The following SRD5A2 variants were observed in gnomAD, a reference collection of about 807,000 sequenced individuals.
SRD5A2 encodes 3-oxo-5-alpha-steroid 4-dehydrogenase 2.
In SRD5A2, 30 loss-of-function variants were observed where a neutral mutation model predicts 27.4. The ratio of observed to expected loss-of-function variants is 1.10; its 90% CI spans 0.82 to 1.49. SRD5A2 has a LOEUF of 1.49. Among genes scored for constraint, SRD5A2 ranks in the 40% most tolerant of loss-of-function variants. The pLI is 0.00. For synonymous variants in SRD5A2, 141 were observed against 133.6 expected, an observed-to-expected ratio of 1.06 and a Z score of -0.38; for missense variants, 348 against 323.4, an observed-to-expected ratio of 1.08 and a Z score of -0.58.
chr2:31,542,936 C>G (rs1003386924), intron 1 of SRD5A2, among the ~76,000 whole-genome samples: 2 of 152,012 alleles, frequency 1.3e-5, no homozygotes, highest in Non-Finnish European at 2.9e-5. Flanking sequence ...GAACATAAAC[C>G]TCCAAGAAGC....
At chr2:31,644,980 T>A in the SRD5A2 span, among the ~76,000 whole-genome samples, 3 of 152,312 alleles carry the variant, frequency 2.0e-5, no homozygotes, top group African/African-American at 7.2e-5. Flanking sequence ...GTTAATGTGT[T>A]TAGTTGTTAA....
At chr2:31,634,989 A>C in the SRD5A2 span, among the ~76,000 whole-genome samples, 2 of 152,170 alleles carry the variant, frequency 1.3e-5, no homozygotes, top group Non-Finnish European at 2.9e-5. Context: ...TGCTTCAATA[A>C]AGATGGGAGT....
rs796992471 is a variant in SRD5A2 at position 31,558,872 on chromosome 2, C to A, written c.281+21748G>T. ...GTGAGTACACTCTATGATGTTTGGA[C>A]AATGATGAAATCACCTAACAACACA... On this transcript the variant is annotated intron_variant, in intron 1 of 4. Transcript: ENST00000622030. Among the ~76,000 whole-genome samples the A allele has an allele frequency of 6.6e-5, 10 of 152,238 alleles. 1 individual carries two copies. The highest frequency in any genetic ancestry group is 2.4e-4 in the African/African-American group (10 of 41,526).
the SRD5A2 span, among the ~76,000 whole-genome samples, chr2:31,631,485 T>A: frequency 2.0e-5 from 3 of 151,262 alleles, no homozygotes; most frequent in African/African-American, 7.3e-5. Context: ...TGGGAAACGT[T>A]CCCCCCCAAG....
chr2:31,549,081 A>AATT (rs71405576), intron 1 of SRD5A2, among the ~76,000 whole-genome samples: 37,662 of 131,038 alleles, frequency 0.29, 5,473 homozygotes, highest in East Asian at 0.32. Flanking sequence ...AAGTAGAGGG[A>AATT]ATTATTATTA....
the SRD5A2 span, among the ~76,000 whole-genome samples, chr2:31,628,044 G>A: frequency 2.6e-5 from 4 of 151,988 alleles, no homozygotes; most frequent in Non-Finnish European, 4.4e-5. Flanking sequence ...TTTCTGCCTC[G>A]ATGATTTATC....
the SRD5A2 span, among the ~76,000 whole-genome samples, chr2:31,596,444 C>A: frequency 6.6e-6 from 1 of 151,056 alleles, no homozygotes; most frequent in Non-Finnish European, 1.5e-5. Flanking sequence ...ACAAAGATGC[C>A]CACTTTTACC....
Position 31,526,091 on chromosome 2 carries a change from T to A in SRD5A2, c.*105A>T. The A allele has an allele frequency of 1.6e-6, 1 of 641,104 alleles. No homozygotes were observed. The highest frequency in any genetic ancestry group is 2.5e-6 in the Non-Finnish European group (1 of 392,224). 39.7% of individuals were successfully genotyped at this position (641,104 alleles called of 1,614,324 possible). A position where few individuals can be genotyped will look rare whatever the true frequency, so the allele number is the denominator to read the frequency against. ...GCTGGCAGAACGCCAGGAGACCTACTATTACATATATACGGGACTATTATA... is the reference window on the plus strand; with the variant it reads ...GCTGGCAGAACGCCAGGAGACCTACAATTACATATATACGGGACTATTATA... On this transcript the variant is annotated 3_prime_UTR_variant, in exon 5 of 5. Coordinates refer to ENST00000622030, the MANE Select transcript of SRD5A2 (RefSeq NM_000348.4).
the SRD5A2 span, among the ~76,000 whole-genome samples, chr2:31,599,339 C>T: frequency 1.3e-5 from 2 of 152,100 alleles, no homozygotes; most frequent in South Asian, 4.1e-4. Flanking sequence ...AACATTTTAT[C>T]CAATGGCTAC....
intron 1 of SRD5A2, among the ~76,000 whole-genome samples, chr2:31,569,677 CAAAAA>C (rs11421066): frequency 7.2e-6 from 1 of 138,576 alleles, no homozygotes; most frequent in South Asian, 2.2e-4. Context: ...AAACAAAAAA[CAAAAA>C]AAAAAAAACA....
the SRD5A2 span, among the ~76,000 whole-genome samples, chr2:31,589,495 C>A: frequency 6.6e-6 from 1 of 152,234 alleles, no homozygotes; most frequent in African/African-American, 2.4e-5. Flanking sequence ...CACCTTGGCA[C>A]CTGCCCTGGT....
Position 31,529,174 on chromosome 2 carries a change from C to A in SRD5A2, c.698+133G>T, listed in dbSNP as rs372064301. 4 of 1,292,600 alleles carry A rather than the reference C, an allele frequency of 3.1e-6. No homozygotes were observed. The African/African-American group carries it at 4.5e-5, about 15-fold the overall frequency. The allele number at this position is 1,292,600 out of a possible 1,614,324, so 80.1% of individuals were successfully genotyped here. ...AGCCCAGCAAGTCAGAATATGCTAA[C>A]CCAGATTATAGTATCAACCTTCCCT... On this transcript the variant is annotated intron_variant, in intron 4 of 4. Coordinates refer to ENST00000622030, the MANE Select transcript of SRD5A2 (RefSeq NM_000348.4).
chr2:31,634,587 G>A, the SRD5A2 span, among the ~76,000 whole-genome samples: 1 of 152,002 alleles, frequency 6.6e-6, no homozygotes, highest in East Asian at 1.9e-4. Flanking sequence ...GGATATATAT[G>A]TATACATACA....
the SRD5A2 span, among the ~76,000 whole-genome samples, chr2:31,589,000 G>A: frequency 1.2e-4 from 19 of 152,104 alleles, no homozygotes; most frequent in Non-Finnish European, 2.1e-4. Context: ...TTTGAAAGAA[G>A]CAGTTTTACT....
chr2:31,533,653 T>C lies in SRD5A2; in HGVS notation c.395A>G (p.Tyr132Cys), dbSNP rs1224293130. 3 of 1,558,444 alleles carry C rather than the reference T, an allele frequency of 1.9e-6. No individual in the cohort carries two copies. The highest frequency in any genetic ancestry group is 1.9e-5 in the Admixed American group (1 of 51,524). ...NGVLQGYYLIYCAEYPDGWYT... is the reference protein window; with the variant it reads ...NGVLQGYYLICCAEYPDGWYT... Reference sequence around the variant, plus strand: ...CCACCCATCAGGGTATTCAGCACAGTAAATCAGATAGTAGCCTTGAAGGAC... The same window carrying C: ...CCACCCATCAGGGTATTCAGCACAGCAAATCAGATAGTAGCCTTGAAGGAC... Residue 132 changes from tyrosine to cysteine, a missense_variant, in exon 2 of 5, where the codon TAC becomes TGC. Tyr to Cys is a radical substitution (Grantham distance 194). Coordinates refer to ENST00000622030, the MANE Select transcript of SRD5A2 (RefSeq NM_000348.4).
intron 1 of SRD5A2, among the ~76,000 whole-genome samples, chr2:31,564,007 C>A (rs1013338777): frequency 1.3e-5 from 2 of 152,050 alleles, no homozygotes; most frequent in Non-Finnish European, 2.9e-5. Flanking sequence ...AAATATCCAA[C>A]ACCCAATGAG....
At chr2:31,616,512 C>G in the SRD5A2 span, among the ~76,000 whole-genome samples, 1 of 152,186 alleles carries the variant, frequency 6.6e-6, no homozygotes, top group East Asian at 1.9e-4. Context: ...GACATGGAGC[C>G]AAAGAAGATC....
intron 1 of SRD5A2, among the ~76,000 whole-genome samples, chr2:31,553,091 C>T (rs1158143094): frequency 2.0e-5 from 3 of 151,972 alleles, no homozygotes; most frequent in Non-Finnish European, 4.4e-5. Flanking sequence ...ATACAAAGAA[C>T]CAGACAAATT....
chr2:31,644,297 T>G, the SRD5A2 span, among the ~76,000 whole-genome samples: 1 of 152,110 alleles, frequency 6.6e-6, no homozygotes, highest in South Asian at 2.1e-4. Flanking sequence ...TTGTTCCAGT[T>G]AAATGACCAG....
Sources: gnomAD v4.1 joint callset for allele counts (sites outside exome capture counted in the v4.1 genomes callset) on GRCh38, gnomAD v4.1.1 for gene constraint, MANE v1.5 for transcripts, NCBI Gene and HGNC (gene_info 2026-07-23, HGNC 2026-07-21) for gene names.